CDH13: variants seen among roughly 807,000 people sequenced by gnomAD.
CDH13 encodes the protein cadherin 13.
Under a neutral mutation model 63.8 loss-of-function variants are expected in CDH13, and 24 were observed. That is an observed-to-expected ratio of 0.38 (90% CI 0.27 to 0.53). The LOEUF (loss-of-function observed/expected upper bound fraction) is 0.53, where lower values mean the gene tolerates loss of function less well. CDH13 is among the 20% of genes least tolerant of loss of function. CDH13 has a pLI of 0.85. For missense variants in CDH13, 1,049 were observed against 903.1 expected (o/e 1.16, Z -2.07); for synonymous variants, 503 against 355.3 (o/e 1.42, Z -4.67).
intron 1 of CDH13, among the ~76,000 whole-genome samples, chr16:82,838,653 G>C (rs532733572): frequency 1.3e-5 from 2 of 152,274 alleles, no homozygotes; most frequent in Admixed American, 6.5e-5. Context: ...GGTTCACAGA[G>C]GGCTGCTTAA....
chr16:83,324,161 T>C (rs1001291076), intron 5 of CDH13, among the ~76,000 whole-genome samples: 1 of 151,942 alleles, frequency 6.6e-6, no homozygotes, highest in African/African-American at 2.4e-5. Context: ...CTCAGCCTCC[T>C]GAGTATCTGC....
chr16:83,209,879 G>A (rs943978686), intron 4 of CDH13, among the ~76,000 whole-genome samples: 3 of 152,116 alleles, frequency 2.0e-5, no homozygotes, highest in Admixed American at 1.3e-4. Flanking sequence ...AGTCCAGGAA[G>A]ATGAGGGCAT....
At chr16:82,709,926 C>T (rs2031781379) in intron 1 of CDH13, among the ~76,000 whole-genome samples, 1 of 151,936 alleles carries the variant, frequency 6.6e-6, no homozygotes, top group African/African-American at 2.4e-5. Flanking sequence ...CAGAAGGGCT[C>T]TAGATGAGGA....
At chr16:83,441,921 C>G (rs922376692) in intron 6 of CDH13, among the ~76,000 whole-genome samples, 4 of 152,048 alleles carry the variant, frequency 2.6e-5, no homozygotes, top group Non-Finnish European at 4.4e-5. Flanking sequence ...ATACAACATC[C>G]CTATGAGGTA....
intron 4 of CDH13, among the ~76,000 whole-genome samples, chr16:83,127,155 G>A (rs535238729): frequency 6.6e-5 from 10 of 152,276 alleles, no homozygotes; most frequent in African/African-American, 1.9e-4. Flanking sequence ...TAGTAGAGTC[G>A]CAACATGCCT....
chr16:83,137,839 A>T (rs1395518717), intron 4 of CDH13, among the ~76,000 whole-genome samples: 3 of 151,918 alleles, frequency 2.0e-5, no homozygotes, highest in Non-Finnish European at 4.4e-5. Context: ...TGGAGATGGG[A>T]AAGAGACCAA....
At chr16:82,993,030 A>G (rs61363497) in intron 2 of CDH13, among the ~76,000 whole-genome samples, 3 of 152,182 alleles carry the variant, frequency 2.0e-5, no homozygotes, top group East Asian at 1.9e-4. Context: ...CCATTGGGCC[A>G]TGCCAGCTAT....
intron 5 of CDH13, among the ~76,000 whole-genome samples, chr16:83,256,292 C>G (rs184228471): frequency 6.6e-6 from 1 of 152,094 alleles, no homozygotes; most frequent in African/African-American, 2.4e-5. Flanking sequence ...CTCAGCCTCC[C>G]AAAGTGCTGG....
chr16:83,086,674 G>A (rs1410126156), intron 3 of CDH13, among the ~76,000 whole-genome samples: 2 of 152,122 alleles, frequency 1.3e-5, no homozygotes, highest in African/African-American at 2.4e-5. Context: ...TCTTTACCTT[G>A]CCAGTAGTAT....
chr16:83,356,013 G>A (rs188672181), intron 6 of CDH13, among the ~76,000 whole-genome samples: 441 of 152,298 alleles, frequency 2.9e-3, no homozygotes, highest in African/African-American at 0.01. Flanking sequence ...TGGTCACACA[G>A]CTGGTGGGTG....
At chr16:83,464,186 A>C (rs1412360141) in intron 6 of CDH13, among the ~76,000 whole-genome samples, 1 of 151,842 alleles carries the variant, frequency 6.6e-6, no homozygotes, top group Non-Finnish European at 1.5e-5. Flanking sequence ...CAGTCTCTTG[A>C]GTATCTGGGA....
intron 2 of CDH13, among the ~76,000 whole-genome samples, chr16:83,000,441 G>T (rs187868615): frequency 6.6e-6 from 1 of 150,434 alleles, no homozygotes; most frequent in Non-Finnish European, 1.5e-5. Context: ...GTAGAGACAC[G>T]GTTTCACCAT....
chr16:83,167,658 A>T (rs1443566407), intron 4 of CDH13, among the ~76,000 whole-genome samples: 1 of 151,736 alleles, frequency 6.6e-6, no homozygotes, highest in Admixed American at 6.6e-5. Context: ...TCTCGTATCA[A>T]TTCCATTTAA....
intron 3 of CDH13, among the ~76,000 whole-genome samples, chr16:83,036,756 G>A (rs550180761): frequency 2.6e-5 from 4 of 151,972 alleles, no homozygotes; most frequent in South Asian, 4.2e-4. Flanking sequence ...TGATCTTGTC[G>A]TGCAGCCTAG....
intron 2 of CDH13, among the ~76,000 whole-genome samples, chr16:83,026,442 C>T (rs1332551541): frequency 1.3e-5 from 2 of 152,142 alleles, no homozygotes; most frequent in Non-Finnish European, 2.9e-5. Flanking sequence ...ATAGACTGTG[C>T]ATTCTCATTG....
At chr16:83,437,411 C>G (rs904265155) in intron 6 of CDH13, among the ~76,000 whole-genome samples, 1 of 152,136 alleles carries the variant, frequency 6.6e-6, no homozygotes, top group Non-Finnish European at 1.5e-5. Context: ...TACGGTGGCT[C>G]ATGCCTGTAA....
At chr16:83,129,311 A>G (rs2035946921) in intron 4 of CDH13, among the ~76,000 whole-genome samples, 1 of 152,238 alleles carries the variant, frequency 6.6e-6, no homozygotes, top group Non-Finnish European at 1.5e-5. Flanking sequence ...TGCCATTTGA[A>G]GAAGAGATTC....
intron 7 of CDH13, among the ~76,000 whole-genome samples, chr16:83,570,193 G>A (rs531185131): frequency 7.2e-5 from 11 of 152,310 alleles, no homozygotes; most frequent in Admixed American, 3.9e-4. Flanking sequence ...TCTAACTCAT[G>A]CTGTTGATTT....
intron 5 of CDH13, among the ~76,000 whole-genome samples, chr16:83,315,005 C>A (rs998537752): frequency 3.9e-5 from 6 of 152,116 alleles, no homozygotes; most frequent in East Asian, 1.9e-4. Flanking sequence ...CTGGCTCCAC[C>A]CTGTGTGACT....
Sources: allele counts gnomAD v4.1 joint callset (sites outside exome capture counted in the v4.1 genomes callset), GRCh38; gene constraint gnomAD v4.1.1; transcripts MANE v1.5; gene names NCBI Gene and HGNC (gene_info 2026-07-23, HGNC 2026-07-21).